The following MGAT5B variants were observed in gnomAD, a reference collection of about 807,000 sequenced individuals.
The protein encoded by MGAT5B is alpha-1,6-mannosylglycoprotein 6-beta-N-acetylglucosaminyltransferase B.
A neutral mutation model predicts 95.1 loss-of-function variants in MGAT5B; 54 were observed. The observed-to-expected ratio is 0.57, with a 90% confidence interval of 0.46 to 0.71. The LOEUF is 0.71. Among genes scored for constraint, MGAT5B ranks in the 30% least tolerant of loss-of-function variants. The pLI is 0.00. For synonymous variants in MGAT5B, 464 were observed against 451.0 expected, an observed-to-expected ratio of 1.03 and a Z score of -0.36; for missense variants, 935 against 1,088.6, an observed-to-expected ratio of 0.86 and a Z score of 1.99.
intron 2 of MGAT5B, among the ~76,000 whole-genome samples, chr17:76,879,971 A>G (rs1967347515): frequency 6.6e-6 from 1 of 152,066 alleles, no homozygotes; most frequent in Non-Finnish European, 1.5e-5. Context: ...GGCTGGAGAG[A>G]CCTGAGTTAG....
chr17:76,938,050 C>T lies in MGAT5B; in HGVS notation c.1491C>T (p.Tyr497=), dbSNP rs142620309. 3.3e-4 allele frequency: 537 copies of T among 1,614,232 alleles called. No individual in the cohort carries two copies. Among genetic ancestry groups the T allele is most frequent in the Admixed American group, 1.1e-3 (65 of 60,034 alleles). Residue 497 remains tyrosine, a synonymous_variant, in exon 13 of 18, where the codon TAC becomes TAT. Transcript: ENST00000569840. The surrounding 1 kb of genome is among the most constrained non-coding windows in gnomAD (Gnocchi z 4.3). ...KYMEIHGTVY[Y]ESQRPPEVPA... ...TGGAGATCCATGGCACCGTGTACTA[C>T]GAGAGCCAGCGGCCCCCCGAGGTGC...
At chr17:76,878,430 G>C (rs1598891404) in intron 2 of MGAT5B, among the ~76,000 whole-genome samples, 1 of 152,150 alleles carries the variant, frequency 6.6e-6, no homozygotes, top group Admixed American at 6.5e-5. Flanking sequence ...CATGGTCATC[G>C]TGAAACCCAG....
At position 76,917,805 on chromosome 17, in the gene MGAT5B, G is replaced by A. The variant is rs1253280400; in HGVS notation, c.1026-7161G>A. On this transcript the variant is annotated intron_variant, in intron 8 of 17. Transcript: ENST00000569840. The surrounding 1 kb of genome is among the most constrained non-coding windows in gnomAD (Gnocchi z 6.1). ...AGCTGAAAATAATCCCCGACGCCCA[G>A]GCCCCAGCCCGGAGCAAATAGAGGG... 6.6e-6 allele frequency among the ~76,000 whole-genome samples: 1 copy of A among 152,196 alleles called. No homozygotes were observed. Among genetic ancestry groups the A allele is most frequent in the Non-Finnish European group, 1.5e-5 (1 of 68,026 alleles).
At chr17:76,873,047 A>T in intron 2 of MGAT5B, 84 bp downstream of exon 2, 1 of 1,508,272 alleles carries the variant, frequency 6.6e-7, no homozygotes, top group East Asian at 2.3e-5. Flanking sequence ...CTAGCCCTGT[A>T]CCTGGCTTTC....
At chr17:76,897,731 CTTT>C (rs59682650) in intron 3 of MGAT5B, among the ~76,000 whole-genome samples, 895 of 84,694 alleles carry the variant, frequency 0.011, 24 homozygotes, top group East Asian at 0.022. Context: ...CTTTCTTTTT[CTTT>C]TTTTTTTTTT....
chr17:76,892,961 G>C (rs1967930390), intron 3 of MGAT5B, among the ~76,000 whole-genome samples: 1 of 152,170 alleles, frequency 6.6e-6, no homozygotes, highest in Non-Finnish European at 1.5e-5. Flanking sequence ...ACTCTTATCA[G>C]GGGACACTCC....
intron 1 of MGAT5B, among the ~76,000 whole-genome samples, chr17:76,871,337 G>T (rs555698489): frequency 6.6e-6 from 1 of 152,146 alleles, no homozygotes; most frequent in South Asian, 2.1e-4. Context: ...TCCGTGAGGC[G>T]TCCCTCTGCG....
chr17:76,930,924 C>T lies in MGAT5B; in HGVS notation c.1292-1721C>T, dbSNP rs1307144206. On this transcript the variant is annotated intron_variant, in intron 10 of 17. Coordinates refer to ENST00000569840, the MANE Select transcript of MGAT5B (RefSeq NM_001199172.2). This position sits in a 1 kb window ranked among gnomAD's most constrained non-coding sequence, Gnocchi z 4.1. ...GACAAGGGAGGAGGGCAGTGCAGGC[C>T]GAGGGGACAGCAGCAGGGGCAACGC... 6.6e-6 allele frequency among the ~76,000 whole-genome samples: 1 copy of T among 152,082 alleles called. No individual in the cohort carries two copies. Among genetic ancestry groups the T allele is most frequent in the Non-Finnish European group, 1.5e-5 (1 of 67,968 alleles).
intron 1 of MGAT5B, among the ~76,000 whole-genome samples, chr17:76,871,757 G>C (rs927108012): frequency 6.6e-6 from 1 of 152,180 alleles, no homozygotes; most frequent in Non-Finnish European, 1.5e-5. Flanking sequence ...ACAAGATGGG[G>C]TTCCTCACCC....
intron 3 of MGAT5B, among the ~76,000 whole-genome samples, chr17:76,896,383 G>A (rs1332283945): frequency 6.6e-6 from 1 of 152,226 alleles, no homozygotes; most frequent in East Asian, 1.9e-4. Flanking sequence ...TAAAGCCTGT[G>A]CTGGCGATGG....
chr17:76,922,780 G>A (rs1056444970), intron 8 of MGAT5B, among the ~76,000 whole-genome samples: 3 of 152,238 alleles, frequency 2.0e-5, no homozygotes, highest in African/African-American at 7.2e-5. Context: ...GAGGGATGGA[G>A]GAGCCCTTGG....
intron 13 of MGAT5B, among the ~76,000 whole-genome samples, chr17:76,939,029 G>GGGGTGT (rs1237086611): frequency 0.048 from 6,168 of 128,204 alleles, 224 homozygotes; most frequent in Admixed American, 0.086. Context: ...GCATCTTGGG[G>GGGGTGT]GTGTGTGTGT....
chr17:76,907,883 T>C (rs760591331), intron 8 of MGAT5B, among the ~76,000 whole-genome samples: 4 of 152,242 alleles, frequency 2.6e-5, no homozygotes, highest in African/African-American at 7.2e-5. Context: ...GACATTCTGA[T>C]TGAGGCATGA....
At position 76,948,881 on chromosome 17, in the gene MGAT5B, C is replaced by T; in HGVS notation, c.*43C>T. On this transcript the variant is annotated 3_prime_UTR_variant, in exon 18 of 18. Transcript: ENST00000569840. ...TGCCTGGCACCCACGCTGGCTCTCT[C>T]CTGCCGCGGGAGAAAGCACCAGCAG... is the stretch of plus-strand genomic sequence containing the variant. 1 of 1,520,190 alleles carries T rather than the reference C, an allele frequency of 6.6e-7. No homozygotes were observed. 94.2% of individuals were successfully genotyped at this position (1,520,190 alleles called of 1,614,324 possible).
Position 76,916,350 on chromosome 17 carries a change from G to C in MGAT5B, c.1026-8616G>C, listed in dbSNP as rs1043663833. Among the ~76,000 whole-genome samples, 1 of 152,264 alleles carries C rather than the reference G, an allele frequency of 6.6e-6. No homozygotes were observed. Among genetic ancestry groups the C allele is most frequent in the Non-Finnish European group, 1.5e-5 (1 of 68,042 alleles). ...TGAACATTGACCAATAAGCAAGACC[G>C]ATGGAGGCCGTGCCGTGTCGCCTTT... On this transcript the variant is annotated intron_variant, in intron 8 of 17. Transcript: ENST00000569840. This position sits in a 1 kb window ranked among gnomAD's most constrained non-coding sequence, Gnocchi z 5.3.
chr17:76,870,326 G>A lies in MGAT5B; in HGVS notation c.68+1229G>A, dbSNP rs1472481595. The stretch of plus-strand genomic sequence containing the variant: ...TGCGGTCCGGGGGTCCGGGAGGCCC[G>A]GAGAGCTGGTGCAGGCCGTGGGTGG... On this transcript the variant is annotated intron_variant, in intron 1 of 17. Coordinates refer to ENST00000569840, the MANE Select transcript of MGAT5B (RefSeq NM_001199172.2). The surrounding 1 kb of genome is among the most constrained non-coding windows in gnomAD (Gnocchi z 5.0). 2.0e-5 allele frequency among the ~76,000 whole-genome samples: 3 copies of A among 152,248 alleles called. No individual in the cohort carries two copies. The highest frequency in any genetic ancestry group is 3.9e-4 in the East Asian group (2 of 5,146).
intron 8 of MGAT5B, among the ~76,000 whole-genome samples, chr17:76,920,707 C>T (rs371252974): frequency 6.6e-6 from 1 of 152,066 alleles, no homozygotes; most frequent in South Asian, 2.1e-4. Flanking sequence ...GTCTCCGGGC[C>T]GATTTGTCTC....
rs879602760 is a variant in MGAT5B at position 76,889,032 on chromosome 17, G to A, written c.329+6734G>A. On this transcript the variant is annotated intron_variant, in intron 3 of 17. Coordinates refer to ENST00000569840, the MANE Select transcript of MGAT5B (RefSeq NM_001199172.2). The surrounding 1 kb of genome is among the most constrained non-coding windows in gnomAD (Gnocchi z 4.4). ...TGGGCGGTGATCAGAGGCCTCGCTTGGCATTCTTTTACTTTCCGAGTGAGA... is the reference window on the plus strand; with the variant it reads ...TGGGCGGTGATCAGAGGCCTCGCTTAGCATTCTTTTACTTTCCGAGTGAGA... Among the ~76,000 whole-genome samples, 2 of 152,200 alleles carry A rather than the reference G, an allele frequency of 1.3e-5. No homozygotes were observed. The highest frequency in any genetic ancestry group is 6.5e-5 in the Admixed American group (1 of 15,278).
At position 76,926,720 on chromosome 17, in the gene MGAT5B, G is replaced by A. The variant is rs1432219354; in HGVS notation, c.1281G>A (p.Met427Ile). 7 of 1,612,742 alleles carry A rather than the reference G, an allele frequency of 4.3e-6. No homozygotes were observed. Among genetic ancestry groups the A allele is most frequent in the Non-Finnish European group, 5.9e-6 (7 of 1,179,904 alleles). The change falls in exon 10 of 18, where the codon ATG (methionine) becomes ATA (isoleucine). Residue 427 changes from methionine (M) to isoleucine (I), a missense_variant. Coordinates refer to ENST00000569840, the MANE Select transcript of MGAT5B (RefSeq NM_001199172.2). Reference sequence around the variant, plus strand: ...GGAACCTCAACCCCAAGCAGTTCATGACCATGTTTCGTGAGTGCCCCACAG... The same window carrying A: ...GGAACCTCAACCCCAAGCAGTTCATAACCATGTTTCGTGAGTGCCCCACAG... The part of the protein sequence containing the change: ...GYWNLNPKQF[M>I]TMFPHTPDNS...
Sources: gnomAD v4.1 joint callset for allele counts (sites outside exome capture counted in the v4.1 genomes callset) on GRCh38, gnomAD v4.1.1 for gene constraint, Gnocchi (gnomAD v3.1) non-coding constraint, MANE v1.5 for transcripts, NCBI Gene and HGNC (gene_info 2026-07-23, HGNC 2026-07-21) for gene names.